The following BABAM2 variants were observed in gnomAD, a reference collection of about 807,000 sequenced individuals.
The protein encoded by BABAM2 is BRISC and BRCA1 A complex member 2.
In BABAM2, 31 loss-of-function variants were observed where a neutral mutation model predicts 54.7. The observed-to-expected ratio is 0.57, with a 90% confidence interval of 0.43 to 0.77. BABAM2 has a LOEUF of 0.77. BABAM2 is among the 30% of genes least tolerant of loss of function. BABAM2 has a pLI of 0.00. For synonymous variants in BABAM2, 167 were observed against 162.9 expected (o/e 1.03, Z -0.19); for missense variants, 364 against 455.8 (o/e 0.80, Z 1.83).
rs375789205 is a variant in BABAM2 at position 28,212,647 on chromosome 2, A to C, written c.681-24555A>C. On this transcript the variant is annotated intron_variant, in intron 7 of 11. Coordinates refer to ENST00000379624, the MANE Select transcript of BABAM2 (RefSeq NM_199191.3). The stretch of plus-strand genomic sequence containing the variant: ...CACTTGATAAGTATATATTCTTTTT[A>C]TCCTTGAAACTAATCCTTCCTTATC... Among the ~76,000 whole-genome samples the C allele has an allele frequency of 2.0e-5, 3 of 152,110 alleles. No homozygotes were observed. In the East Asian group the frequency reaches 5.8e-4, roughly 29 times the overall value.
At chr2:28,114,010 T>C (rs911680128) in intron 6 of BABAM2, among the ~76,000 whole-genome samples, 10 of 152,128 alleles carry the variant, frequency 6.6e-5, no homozygotes, top group African/African-American at 2.4e-4. Flanking sequence ...TGGATATTGA[T>C]GGAATGTATC....
At chr2:28,119,789 C>T (rs56016345) in intron 6 of BABAM2, among the ~76,000 whole-genome samples, 2 of 152,000 alleles carry the variant, frequency 1.3e-5, no homozygotes, top group African/African-American at 4.8e-5. Flanking sequence ...CTCAAAATGT[C>T]GCTTTTGGAA....
chr2:28,260,788 G>A (rs1324772015), intron 10 of BABAM2, among the ~76,000 whole-genome samples: 2 of 151,814 alleles, frequency 1.3e-5, no homozygotes, highest in East Asian at 1.9e-4. Flanking sequence ...TCATGAACAT[G>A]GTATATGTTT....
chr2:27,934,830 A>C (rs563866726), intron 3 of BABAM2, among the ~76,000 whole-genome samples: 2 of 152,364 alleles, frequency 1.3e-5, no homozygotes, highest in South Asian at 4.1e-4. Context: ...ATTCTCTTCA[A>C]TTCTAAGATT....
chr2:28,018,051 A>C (rs2148547298), intron 4 of BABAM2, among the ~76,000 whole-genome samples: 3 of 152,228 alleles, frequency 2.0e-5, no homozygotes, highest in East Asian at 3.9e-4. Context: ...TATATGAATA[A>C]ATTCTTTAGT....
At chr2:28,148,055 T>C (rs1671669773) in intron 7 of BABAM2, among the ~76,000 whole-genome samples, 1 of 152,222 alleles carries the variant, frequency 6.6e-6, no homozygotes, top group Non-Finnish European at 1.5e-5. Context: ...AGGTTGAGAA[T>C]CTTATTTCAG....
intron 11 of BABAM2, among the ~76,000 whole-genome samples, chr2:28,324,027 AAGATG>A (rs1406870379): frequency 6.6e-6 from 1 of 152,212 alleles, no homozygotes; most frequent in Non-Finnish European, 1.5e-5. Flanking sequence ...TGCAGATCCC[AAGATG>A]AGAGTGAACA....
chr2:27,936,871 C>T, intron 3 of BABAM2, among the ~76,000 whole-genome samples: 1 of 151,964 alleles, frequency 6.6e-6, no homozygotes, highest in East Asian at 1.9e-4. Flanking sequence ...ATGGGTGCAG[C>T]ACACCAGCAT....
chr2:28,202,138 T>C (rs1255473810), intron 7 of BABAM2, among the ~76,000 whole-genome samples: 1 of 152,184 alleles, frequency 6.6e-6, no homozygotes, highest in Non-Finnish European at 1.5e-5. Context: ...TGAGACCAGA[T>C]GGAAAACCAC....
chr2:28,176,583 A>AAAAAAAAAAAC (rs1674987349), intron 7 of BABAM2, among the ~76,000 whole-genome samples: 2 of 144,066 alleles, frequency 1.4e-5, no homozygotes, highest in African/African-American at 5.0e-5. Context: ...AAAAAAAAAA[A>AAAAAAAAAAAC]AAAAAAAAAA....
At chr2:28,243,457 G>A (rs567166148) in intron 9 of BABAM2, among the ~76,000 whole-genome samples, 6 of 151,406 alleles carry the variant, frequency 4.0e-5, no homozygotes, top group East Asian at 1.9e-4. Flanking sequence ...TCTTGAACCC[G>A]GGAGGCGGAG....
chr2:28,194,212 T>C (rs1677249251), intron 7 of BABAM2, among the ~76,000 whole-genome samples: 1 of 152,022 alleles, frequency 6.6e-6, no homozygotes. Flanking sequence ...GTTGGGGCCT[T>C]GTAAGCCACG....
intron 11 of BABAM2, among the ~76,000 whole-genome samples, chr2:28,299,047 A>T (rs1381427928): frequency 6.6e-6 from 1 of 152,224 alleles, no homozygotes; most frequent in African/African-American, 2.4e-5. Flanking sequence ...TGGAGCCGGT[A>T]GCTACTCTTT....
At chr2:28,159,421 G>A (rs12623684) in intron 7 of BABAM2, among the ~76,000 whole-genome samples, 13,086 of 152,206 alleles carry the variant, frequency 0.086, 611 homozygotes, top group East Asian at 0.15. Context: ...CTCAAAGAAA[G>A]GGTGACATCT....
rs1467926291 is a variant in BABAM2 at position 28,298,448 on chromosome 2, T to C, written c.1045T>C (p.Tyr349His). The change falls in exon 11 of 12, where the codon TAC becomes CAC. Residue 349 changes from tyrosine (Y) to histidine (H), a missense_variant. Physicochemically the swap from Tyr to His is moderately conservative, Grantham distance 83 (BLOSUM62 2). Coordinates refer to ENST00000379624, the MANE Select transcript of BABAM2 (RefSeq NM_199191.3). ...CTCCCAGGCCCAAAAAAATTATCCG[T>C]ACAGCCCCAGATGGGATGGAAATGA... The part of the protein sequence containing the change: ...LYSQAQKNYP[Y>H]SPRWDGNEMA... 1 of 1,614,172 alleles carries C rather than the reference T, an allele frequency of 6.2e-7. No individual in the cohort carries two copies. Among genetic ancestry groups the C allele is most frequent in the Admixed American group, 1.7e-5 (1 of 60,022 alleles).
chr2:27,930,979 T>C (rs72810592), intron 3 of BABAM2, among the ~76,000 whole-genome samples: 76 of 152,348 alleles, frequency 5.0e-4, no homozygotes, highest in Non-Finnish European at 9.6e-4. Context: ...TTTTGACCAT[T>C]GGACCAGTGT....
intron 3 of BABAM2, 141 bp downstream of exon 3, chr2:27,930,049 C>A: frequency 2.8e-6 from 2 of 704,666 alleles, no homozygotes; most frequent in Non-Finnish European, 4.6e-6. Flanking sequence ...TTCTTATCTG[C>A]CATTCAATTC....
intron 10 of BABAM2, among the ~76,000 whole-genome samples, chr2:28,280,919 G>A (rs1256642958): frequency 1.3e-5 from 2 of 152,176 alleles, no homozygotes; most frequent in Non-Finnish European, 2.9e-5. Context: ...GAGAGTAGCA[G>A]GCAGGCTGAA....
Position 28,322,701 on chromosome 2 carries a change from AGGGT to A in BABAM2, c.1089-15744_1089-15741del, listed in dbSNP as rs1690122922. ...GCCCCGATGCTTAGGCCAGGCCTTG[AGGGT>A]GGGTAGGTGTCAGGTAGGTGGGAGA... is the stretch of plus-strand genomic sequence containing the variant. On this transcript the variant is annotated intron_variant, in intron 11 of 11. Coordinates refer to ENST00000379624, the MANE Select transcript of BABAM2 (RefSeq NM_199191.3). The surrounding 1 kb of genome is among the most constrained non-coding windows in gnomAD (Gnocchi z 4.1). 6.6e-6 allele frequency among the ~76,000 whole-genome samples: 1 copy of A among 152,194 alleles called. No individual in the cohort carries two copies. Among genetic ancestry groups the A allele is most frequent in the Non-Finnish European group, 1.5e-5 (1 of 68,020 alleles).
Sources: gnomAD v4.1 joint callset for allele counts (sites outside exome capture counted in the v4.1 genomes callset) on GRCh38, gnomAD v4.1.1 for gene constraint, Gnocchi (gnomAD v3.1) non-coding constraint, MANE v1.5 for transcripts, NCBI Gene and HGNC (gene_info 2026-07-23, HGNC 2026-07-21) for gene names.